Variants in PHACTR3 observed in about 807,000 individuals in gnomAD.
The protein encoded by PHACTR3 is protein phosphatase 1, regulatory subunit 123.
In PHACTR3, 16 loss-of-function variants were observed where a neutral mutation model predicts 66.8. The ratio of observed to expected loss-of-function variants is 0.24; its 90% CI spans 0.16 to 0.36. PHACTR3 has a LOEUF of 0.36. Among genes scored for constraint, PHACTR3 ranks in the 10% least tolerant of loss-of-function variants. PHACTR3 has a pLI of 1.00. For missense variants in PHACTR3, 647 were observed against 719.9 expected (o/e 0.90, Z 1.16); for synonymous variants, 323 against 292.1 (o/e 1.11, Z -1.08).
At position 59,582,719 on chromosome 20, in the gene PHACTR3, G is replaced by A. The variant is rs181450150; in HGVS notation, c.109+5102G>A. 3.6e-3 allele frequency among the ~76,000 whole-genome samples: 542 copies of A among 152,238 alleles called. 9 individuals carry two copies. The highest frequency in any genetic ancestry group is 7.5e-3 in the South Asian group (36 of 4,828). On this transcript the variant is annotated intron_variant, in intron 1 of 12. Transcript: ENST00000359926. ...GCCATTTGGATTTCACTCTCTGAGC[G>A]TTGCCTCTTCATTTACTTTTTGCCC... is the stretch of plus-strand genomic sequence containing the variant.
intron 1 of PHACTR3, among the ~76,000 whole-genome samples, chr20:59,637,452 T>C (rs1317046882): frequency 6.6e-6 from 1 of 152,202 alleles, no homozygotes; most frequent in Non-Finnish European, 1.5e-5. Context: ...TTCTTGGGAT[T>C]ACATAGTTGG....
chr20:59,737,566 ATG>A (rs1274277338), intron 1 of PHACTR3, among the ~76,000 whole-genome samples: 2 of 151,874 alleles, frequency 1.3e-5, no homozygotes, highest in East Asian at 1.9e-4. Context: ...CTCTGTGTGC[ATG>A]TGTGTGTGCG....
intron 2 of PHACTR3, among the ~76,000 whole-genome samples, chr20:59,744,312 T>C (rs2039285772): frequency 6.6e-6 from 1 of 152,200 alleles, no homozygotes. Context: ...CAGCCTGGGC[T>C]CTGCAGATGG....
rs146869803 is a variant in PHACTR3 at position 59,691,840 on chromosome 20, C to T, written c.119-51267C>T. Among the ~76,000 whole-genome samples, 16 of 152,282 alleles carry T rather than the reference C, an allele frequency of 1.1e-4. No individual in the cohort carries two copies. The East Asian group carries it at 2.3e-3, about 22-fold the overall frequency. ...ATGGCAGTGAGAAACCAGGGAATCC[C>T]CAACCCTGAACCCACCTCCAGATCC... is the stretch of plus-strand genomic sequence containing the variant. On this transcript the variant is annotated intron_variant, in intron 1 of 12. Transcript: ENST00000371015.
chr20:59,698,430 A>AT (rs1218887991), intron 1 of PHACTR3, among the ~76,000 whole-genome samples: 4 of 151,710 alleles, frequency 2.6e-5, no homozygotes, highest in African/African-American at 4.9e-5. Context: ...GTGTTGAATG[A>AT]TAAAAAAAAA....
intron 4 of PHACTR3, among the ~76,000 whole-genome samples, chr20:59,764,211 C>T (rs908401274): frequency 1.3e-5 from 2 of 151,906 alleles, no homozygotes; most frequent in Admixed American, 6.6e-5. Flanking sequence ...CTGGGGCTGA[C>T]CCAGAAGTGA....
intron 1 of PHACTR3, among the ~76,000 whole-genome samples, chr20:59,612,229 C>T (rs1177125948): frequency 1.3e-5 from 2 of 152,180 alleles, no homozygotes; most frequent in African/African-American, 4.8e-5. Context: ...CTCTTTAACA[C>T]AGGGCACCAA....
intron 7 of PHACTR3, among the ~76,000 whole-genome samples, chr20:59,781,257 C>T (rs375257887): frequency 1.8e-4 from 28 of 152,268 alleles, no homozygotes; most frequent in Non-Finnish European, 2.5e-4. Context: ...AATTAATCAC[C>T]GGGGTCTATG....
At chr20:59,711,369 A>G (rs2146646427) in intron 1 of PHACTR3, among the ~76,000 whole-genome samples, 1 of 152,330 alleles carries the variant, frequency 6.6e-6, no homozygotes, top group South Asian at 2.1e-4. Flanking sequence ...TTTCTCAGAA[A>G]GGTGGTATTT....
At chr20:59,751,272 C>T (rs1601262017) in intron 3 of PHACTR3, among the ~76,000 whole-genome samples, 3 of 152,220 alleles carry the variant, frequency 2.0e-5, no homozygotes, top group African/African-American at 7.2e-5. Flanking sequence ...CAGCCGGGGG[C>T]GCCCTCCTGT....
At chr20:59,777,617 C>G (rs964616054) in intron 7 of PHACTR3, among the ~76,000 whole-genome samples, 3 of 152,250 alleles carry the variant, frequency 2.0e-5, no homozygotes, top group African/African-American at 4.8e-5. Flanking sequence ...TCCTTCCTAG[C>G]TGGGACACAG....
intron 1 of PHACTR3, among the ~76,000 whole-genome samples, chr20:59,702,189 G>A (rs1029884634): frequency 2.4e-4 from 36 of 152,008 alleles, no homozygotes; most frequent in Non-Finnish European, 4.0e-4. Flanking sequence ...GATTTCATAC[G>A]TGAATCTCAT....
chr20:59,678,823 C>G (rs2036540745), intron 1 of PHACTR3, among the ~76,000 whole-genome samples: 1 of 152,114 alleles, frequency 6.6e-6, no homozygotes, highest in Non-Finnish European at 1.5e-5. Flanking sequence ...GTAGGCACTC[C>G]TCCTCCTTCT....
At chr20:59,671,193 C>T (rs981736137) in intron 1 of PHACTR3, among the ~76,000 whole-genome samples, 3 of 152,164 alleles carry the variant, frequency 2.0e-5, no homozygotes, top group Admixed American at 1.3e-4. Flanking sequence ...GAATATTTGG[C>T]CTTCCTTGGG....
At position 59,845,511 on chromosome 20, in the gene PHACTR3, A is replaced by T. The variant is rs545947220; in HGVS notation, c.1664+246A>T. Among the ~76,000 whole-genome samples the T allele has an allele frequency of 2.6e-5, 4 of 152,320 alleles. No homozygotes were observed. In the East Asian group the frequency reaches 7.7e-4, roughly 29 times the overall value. On this transcript the variant is annotated intron_variant, in intron 12 of 12. Transcript: ENST00000371015. Reference sequence around the variant, plus strand: ...TTATTTAAGTAGTTAATGCATATTTAACAAAAATAAGCCTCAAGGCAATGA... The same window carrying T: ...TTATTTAAGTAGTTAATGCATATTTTACAAAAATAAGCCTCAAGGCAATGA...
rs147322432 is a variant in PHACTR3, at chr20:59,677,044, C to T, written c.119-66063C>T. ...CTGGCACAGAGTCCAGAAAGAGTCACGAAGGTCTTTTGTTTGCATGTGAAT... is the reference window on the plus strand; with the variant it reads ...CTGGCACAGAGTCCAGAAAGAGTCATGAAGGTCTTTTGTTTGCATGTGAAT... On this transcript the variant is annotated intron_variant, in intron 1 of 12. Coordinates refer to ENST00000371015, the MANE Select transcript of PHACTR3 (RefSeq NM_080672.5). 3.5e-3 allele frequency among the ~76,000 whole-genome samples: 532 copies of T among 152,136 alleles called. 6 individuals are homozygous for T. In the East Asian group the frequency reaches 0.037, roughly 10 times the overall value.
At chr20:59,703,055 C>G (rs1428190690) in intron 1 of PHACTR3, among the ~76,000 whole-genome samples, 1 of 152,180 alleles carries the variant, frequency 6.6e-6, no homozygotes, top group Non-Finnish European at 1.5e-5. Flanking sequence ...CTATTCTAGC[C>G]TTTGAAAGGT....
chr20:59,727,136 G>A (rs6128674), intron 1 of PHACTR3, among the ~76,000 whole-genome samples: 47,644 of 152,002 alleles, frequency 0.31, 9,177 homozygotes, highest in Non-Finnish European at 0.42. Context: ...CTGTCTGTAT[G>A]AATTGGTCTG....
intron 1 of PHACTR3, among the ~76,000 whole-genome samples, chr20:59,687,265 G>C (rs1461764106): frequency 2.0e-5 from 3 of 152,006 alleles, no homozygotes; most frequent in African/African-American, 7.3e-5. Context: ...GGTGATGATG[G>C]TGATGATGAT....
Sources: gnomAD v4.1 joint callset for allele counts (sites outside exome capture counted in the v4.1 genomes callset) on GRCh38, gnomAD v4.1.1 for gene constraint, MANE v1.5 for transcripts, NCBI Gene and HGNC (gene_info 2026-07-23, HGNC 2026-07-21) for gene names.